The following CNBD1 variants were observed in gnomAD, a reference collection of about 807,000 sequenced individuals.
CNBD1 encodes the protein cyclic nucleotide binding domain containing 1.
In CNBD1, 71 loss-of-function variants were observed where a neutral mutation model predicts 54.4. The ratio of observed to expected loss-of-function variants is 1.30; its 90% CI spans 1.08 to 1.59. CNBD1 has a LOEUF of 1.59. Among genes scored for constraint, CNBD1 ranks in the 40% most tolerant of loss-of-function variants. CNBD1 has a pLI of 0.00. For synonymous variants in CNBD1, 182 were observed against 170.7 expected (o/e 1.07, Z -0.51); for missense variants, 659 against 518.0 (o/e 1.27, Z -2.64).
chr8:87,399,969 A>T (rs185584193), intron 2 of CNBD1, among the ~76,000 whole-genome samples: 2 of 152,042 alleles, frequency 1.3e-5, no homozygotes, highest in East Asian at 3.9e-4. Flanking sequence ...GCAGGACATA[A>T]CCAAGACCAC....
chr8:86,929,504 G>A (rs574421062), intron 3 of CNBD1, among the ~76,000 whole-genome samples: 9 of 152,250 alleles, frequency 5.9e-5, no homozygotes, highest in Middle Eastern at 3.4e-3. Flanking sequence ...TGGTATATAG[G>A]TTAAGGTCAG....
At chr8:87,009,093 A>G (rs1420188309) in intron 4 of CNBD1, among the ~76,000 whole-genome samples, 1 of 151,804 alleles carries the variant, frequency 6.6e-6, no homozygotes, top group Non-Finnish European at 1.5e-5. Flanking sequence ...GGCGAGCTAC[A>G]TATTTTTTTA....
At chr8:87,041,666 G>T in intron 4 of CNBD1, among the ~76,000 whole-genome samples, 1 of 152,172 alleles carries the variant, frequency 6.6e-6, no homozygotes, top group East Asian at 1.9e-4. Flanking sequence ...GGGCATGGTG[G>T]TGGGTGCCTG....
chr8:87,378,913 G>C (rs1449986124), intron 10 of CNBD1, among the ~76,000 whole-genome samples: 2 of 149,106 alleles, frequency 1.3e-5, no homozygotes, highest in Non-Finnish European at 3.0e-5. Flanking sequence ...TCTCTTTGAA[G>C]CAATTGTGAA....
chr8:87,320,863 C>T (rs1441922022), intron 8 of CNBD1, among the ~76,000 whole-genome samples: 1 of 152,066 alleles, frequency 6.6e-6, no homozygotes, highest in East Asian at 1.9e-4. Context: ...ACAGCAATTT[C>T]CCATTTCACC....
intron 8 of CNBD1, among the ~76,000 whole-genome samples, chr8:87,328,854 T>C (rs1278597903): frequency 6.6e-6 from 1 of 152,134 alleles, no homozygotes; most frequent in African/African-American, 2.4e-5. Context: ...TTTTATTCTT[T>C]TTGATGCTAC....
chr8:87,139,252 T>A (rs1246923714), intron 4 of CNBD1, among the ~76,000 whole-genome samples: 1 of 152,212 alleles, frequency 6.6e-6, no homozygotes, highest in Non-Finnish European at 1.5e-5. Flanking sequence ...AAGTCATAGG[T>A]TTTATTACTC....
At chr8:87,270,312 A>G (rs1016172270) in intron 6 of CNBD1, among the ~76,000 whole-genome samples, 1 of 152,042 alleles carries the variant, frequency 6.6e-6, no homozygotes, top group Admixed American at 6.6e-5. Flanking sequence ...GGACATAAAC[A>G]GACACTTTTC....
At chr8:87,154,967 T>G (rs565628504) in intron 4 of CNBD1, among the ~76,000 whole-genome samples, 2 of 152,054 alleles carry the variant, frequency 1.3e-5, no homozygotes, top group South Asian at 4.2e-4. Context: ...TAAATGAGAG[T>G]ATCATAGCTG....
intron 1 of CNBD1, among the ~76,000 whole-genome samples, chr8:86,872,053 G>T (rs1203528474): frequency 4.6e-5 from 7 of 152,280 alleles, no homozygotes; most frequent in Admixed American, 3.3e-4. Context: ...TAGTCCAAAT[G>T]CAAGTCATCA....
chr8:86,974,956 TA>T (rs1280573617), intron 4 of CNBD1, among the ~76,000 whole-genome samples: 1 of 151,972 alleles, frequency 6.6e-6, no homozygotes, highest in South Asian at 2.1e-4. Context: ...ATGCAAACAC[TA>T]AAAATCCATT....
chr8:87,411,344 G>T (rs976505850), intron 2 of CNBD1, among the ~76,000 whole-genome samples: 17 of 137,966 alleles, frequency 1.2e-4, no homozygotes, highest in Admixed American at 8.7e-4. Context: ...CCACTTTTTT[G>T]CTTTCTATAG....
At chr8:87,376,390 A>T (rs1292242783) in intron 10 of CNBD1, among the ~76,000 whole-genome samples, 1 of 151,834 alleles carries the variant, frequency 6.6e-6, no homozygotes, top group Non-Finnish European at 1.5e-5. Context: ...CTCAGCACCT[A>T]ATTACTTGCC....
At chr8:87,329,889 C>G (rs1809783692) in intron 8 of CNBD1, among the ~76,000 whole-genome samples, 1 of 151,898 alleles carries the variant, frequency 6.6e-6, no homozygotes. Context: ...TTTTTCTCCT[C>G]TCTTGTTTTA....
chr8:87,119,714 G>T (rs912732659), intron 4 of CNBD1, among the ~76,000 whole-genome samples: 2 of 152,046 alleles, frequency 1.3e-5, no homozygotes, highest in African/African-American at 4.8e-5. Context: ...GTTAGCTATA[G>T]ATTTGTCATA....
chr8:87,372,163 C>G (rs951184414), intron 10 of CNBD1, among the ~76,000 whole-genome samples: 1 of 151,952 alleles, frequency 6.6e-6, no homozygotes. Flanking sequence ...AATCAATGTA[C>G]AAAAATCACA....
At chr8:87,327,601 A>C (rs1809709605) in intron 8 of CNBD1, among the ~76,000 whole-genome samples, 1 of 152,096 alleles carries the variant, frequency 6.6e-6, no homozygotes, top group Non-Finnish European at 1.5e-5. Flanking sequence ...TTGACTCAGA[A>C]AGGGAACTCC....
In CNBD1 at chr8:87,223,215, GT is replaced by G. The variant is rs545841712; in HGVS notation, c.578-13693del. On this transcript the variant is annotated intron_variant, in intron 5 of 10. Coordinates refer to ENST00000518476, the MANE Select transcript of CNBD1 (RefSeq NM_173538.3). ...CCCACCTTTTTGCTTTTTGGCTGAA[GT>G]TTTTTTTTTTAATTTTTATTTATTT... Among the ~76,000 whole-genome samples, 1,265 of 139,272 alleles carry G rather than the reference GT, an allele frequency of 9.1e-3. 11 individuals are homozygous for G. Among genetic ancestry groups the G allele is most frequent in the Non-Finnish European group, 0.012 (770 of 62,982 alleles). The allele number at this position is 139,272 out of a possible 152,430, so 91.4% of individuals were successfully genotyped here. A position where few individuals can be genotyped will look rare whatever the true frequency, so the allele number is the denominator to read the frequency against.
chr8:87,250,360 G>T (rs184636609), intron 6 of CNBD1, among the ~76,000 whole-genome samples: 2 of 152,306 alleles, frequency 1.3e-5, no homozygotes, highest in Non-Finnish European at 1.5e-5. Context: ...GGGAACTCTT[G>T]TACACTGTTG....
Sources: gnomAD v4.1 joint callset for allele counts (sites outside exome capture counted in the v4.1 genomes callset) on GRCh38, gnomAD v4.1.1 for gene constraint, MANE v1.5 for transcripts, NCBI Gene and HGNC (gene_info 2026-07-23, HGNC 2026-07-21) for gene names.